TOM1: variants seen among roughly 807,000 people sequenced by gnomAD.
TOM1 encodes the protein target of Myb protein 1.
In TOM1, 38 loss-of-function variants were observed where a neutral mutation model predicts 61.3. The ratio of observed to expected loss-of-function variants is 0.62; its 90% CI spans 0.48 to 0.81. The LOEUF (loss-of-function observed/expected upper bound fraction) is 0.81, where lower values mean the gene tolerates loss of function less well. Ranked by LOEUF, TOM1 falls within the 40% of genes least tolerant of loss-of-function variation. The pLI is 0.00. For synonymous variants in TOM1, 270 were observed against 268.8 expected, an observed-to-expected ratio of 1.00 and a Z score of -0.04; for missense variants, 591 against 659.6, an observed-to-expected ratio of 0.90 and a Z score of 1.14.
At chr22:35,315,433 G>C (rs986368244) in intron 1 of TOM1, among the ~76,000 whole-genome samples, 1 of 152,166 alleles carries the variant, frequency 6.6e-6, no homozygotes, top group Non-Finnish European at 1.5e-5. Context: ...CCTCTGCTCA[G>C]AGGGACACTT....
intron 1 of TOM1, among the ~76,000 whole-genome samples, chr22:35,307,490 C>G (rs979483193): frequency 2.6e-5 from 4 of 152,194 alleles, no homozygotes; most frequent in Non-Finnish European, 5.9e-5. Context: ...ACAGCTTAGT[C>G]TCCGCATCAG....
intron 8 of TOM1, 53 bp from the exon 9 acceptor site, chr22:35,332,928 G>T (rs562077789): frequency 1.3e-6 from 2 of 1,595,126 alleles, no homozygotes; most frequent in Admixed American, 3.3e-5. Context: ...CTGGCCGTGT[G>T]TGGGGGCCTG....
intron 12 of TOM1, chr22:35,344,187 T>A (rs1264825339): frequency 2.0e-5 from 3 of 152,216 alleles, no homozygotes; most frequent in African/African-American, 4.8e-5. Context: ...TCAGCGTGAC[T>A]CTCTCTCACC....
chr22:35,331,451 A>G (rs1214438854), intron 8 of TOM1: 2 of 372,402 alleles, frequency 5.4e-6, no homozygotes, highest in South Asian at 2.0e-5. Flanking sequence ...CACATCCCCA[A>G]GAGAGACTTG....
At chr22:35,322,721 C>T (rs1927909770) in intron 3 of TOM1, 1 of 315,146 alleles carries the variant, frequency 3.2e-6, no homozygotes, top group African/African-American at 2.2e-5. Context: ...CTTGGAGAGC[C>T]CCTTCTCTCT....
rs765345756 is a variant in TOM1 at position 35,321,959 on chromosome 22, T to G, written c.138T>G (p.Gly46=). 4 of 1,613,998 alleles carry G rather than the reference T, an allele frequency of 2.5e-6. No homozygotes were observed. In the South Asian group the frequency reaches 4.4e-5, roughly 18 times the overall value. The change falls in exon 3 of 15, where the codon GGT becomes GGG. Residue 46 remains glycine, a splice_region_variant and synonymous_variant. Transcript: ENST00000449058. ...ICDIINETEE[G]PKDALRAVKK... Reference sequence around the variant, plus strand: ...CCACCCTTTTTCTTGTCCTCCTTAGTCCCAAAGATGCCCTCCGAGCAGTAA... The same window carrying G: ...CCACCCTTTTTCTTGTCCTCCTTAGGCCCAAAGATGCCCTCCGAGCAGTAA...
At position 35,347,220 on chromosome 22, in the gene TOM1, T is replaced by C; in HGVS notation, c.*11T>C. 6.3e-7 allele frequency: 1 copy of C among 1,591,264 alleles called. No homozygotes were observed. Among genetic ancestry groups the C allele is most frequent in the Middle Eastern group, 1.7e-4 (1 of 5,942 alleles). ...CTGTTTGCCTTATGAGTGTGGGGTCTGGCACCCTGCAGCCCAGGTCCCCAC... is the reference window on the plus strand; with the variant it reads ...CTGTTTGCCTTATGAGTGTGGGGTCCGGCACCCTGCAGCCCAGGTCCCCAC... On this transcript the variant is annotated 3_prime_UTR_variant, in exon 15 of 15. Transcript: ENST00000449058.
At chr22:35,333,227 G>A in intron 9 of TOM1, 177 bp from the exon 10 acceptor site, 1 of 780,520 alleles carries the variant, frequency 1.3e-6, no homozygotes, top group Non-Finnish European at 2.1e-6. Context: ...CAACCTCCCA[G>A]GGAGTCCAGT....
At chr22:35,337,361 T>C (rs1191515692) in intron 11 of TOM1, among the ~76,000 whole-genome samples, 1 of 152,184 alleles carries the variant, frequency 6.6e-6, no homozygotes, top group Non-Finnish European at 1.5e-5. Flanking sequence ...AGACCCTCAA[T>C]TAGCAGGCCT....
intron 12 of TOM1, among the ~76,000 whole-genome samples, chr22:35,343,696 CA>C (rs1398427006): frequency 1.4e-5 from 2 of 145,844 alleles, no homozygotes; most frequent in African/African-American, 5.1e-5. Context: ...CCTACACACT[CA>C]TACACCTACA....
In TOM1 at chr22:35,304,730, G is replaced by A. The variant is rs181063196; in HGVS notation, c.52+4750G>A. 3.0e-4 allele frequency among the ~76,000 whole-genome samples: 46 copies of A among 152,238 alleles called. 1 individual carries two copies. Among genetic ancestry groups the A allele is most frequent in the South Asian group, 4.1e-4 (2 of 4,824 alleles). On this transcript the variant is annotated intron_variant, in intron 1 of 14. Transcript: ENST00000449058. ...CCTGACCTCATGAACCACCCACCTC[G>A]GCCTCCCAAAGTGCTGGGATTACAG... is the stretch of plus-strand genomic sequence containing the variant.
At chr22:35,345,894 C>T in intron 13 of TOM1, 110 bp downstream of exon 13, 2 of 1,135,606 alleles carry the variant, frequency 1.8e-6, no homozygotes, top group Admixed American at 1.8e-5. Flanking sequence ...ACCCTGAGAG[C>T]AGAGGGGCAC....
intron 7 of TOM1, among the ~76,000 whole-genome samples, chr22:35,328,367 TC>T (rs1348213595): frequency 6.6e-6 from 1 of 152,182 alleles, no homozygotes; most frequent in African/African-American, 2.4e-5. Context: ...CAGGGACAGC[TC>T]CCATGCACTG....
intron 1 of TOM1, among the ~76,000 whole-genome samples, chr22:35,301,840 T>C (rs1210351665): frequency 1.3e-5 from 2 of 152,144 alleles, no homozygotes; most frequent in Non-Finnish European, 2.9e-5. Flanking sequence ...CAGTGAGTCA[T>C]GGTTTTTTGG....
At chr22:35,311,847 G>A (rs527755017) in intron 1 of TOM1, among the ~76,000 whole-genome samples, 2 of 152,310 alleles carry the variant, frequency 1.3e-5, no homozygotes, top group African/African-American at 4.8e-5. Flanking sequence ...ACTGAATGAT[G>A]GCTGTCATTG....
In TOM1 at chr22:35,323,888, A is replaced by T. The variant is rs147700563; in HGVS notation, c.622A>T (p.Thr208Ser). Residue 208 changes from threonine to serine, a missense_variant, in exon 6 of 15, where the codon ACG becomes TCG. By Grantham distance (58) the Thr-to-Ser change is moderately conservative. Transcript: ENST00000449058. The surrounding 1 kb of genome is among the most constrained non-coding windows in gnomAD (Gnocchi z 4.2). Reference sequence around the variant, plus strand: ...CGCCCCGCCCATACTCTCCGGTGACACGCCCATAGCACCAACCCCGGAACA... The same window carrying T: ...CGCCCCGCCCATACTCTCCGGTGACTCGCCCATAGCACCAACCCCGGAACA... ...LPAPPILSGD[T>S]PIAPTPEQIG... is the part of the protein sequence containing the mutation. 109 of 1,592,710 alleles carry T rather than the reference A, an allele frequency of 6.8e-5. No individual in the cohort carries two copies. The highest frequency in any genetic ancestry group is 1.0e-5 in the Non-Finnish European group (12 of 1,169,200).
At chr22:35,314,338 C>T (rs1364813980) in intron 1 of TOM1, among the ~76,000 whole-genome samples, 1 of 152,114 alleles carries the variant, frequency 6.6e-6, no homozygotes, top group Non-Finnish European at 1.5e-5. Context: ...TCCCCTCCCA[C>T]CCCGCAGAAA....
At chr22:35,313,209 T>C (rs1179335428) in intron 1 of TOM1, among the ~76,000 whole-genome samples, 2 of 151,946 alleles carry the variant, frequency 1.3e-5, no homozygotes, top group South Asian at 2.1e-4. Flanking sequence ...TAGCCAGGTG[T>C]GTTGGCAGGT....
intron 2 of TOM1, among the ~76,000 whole-genome samples, chr22:35,320,494 A>C (rs1927676374): frequency 6.6e-6 from 1 of 151,768 alleles, no homozygotes; most frequent in African/African-American, 2.4e-5. Context: ...CCCCACACTC[A>C]GTGTGGCCTC....
Sources: gnomAD v4.1 joint callset for allele counts (sites outside exome capture counted in the v4.1 genomes callset) on GRCh38, gnomAD v4.1.1 for gene constraint, Gnocchi (gnomAD v3.1) non-coding constraint, MANE v1.5 for transcripts, NCBI Gene and HGNC (gene_info 2026-07-23, HGNC 2026-07-21) for gene names.